Variants in CNTN4 observed in about 807,000 individuals in gnomAD.
CNTN4 encodes contactin 4.
A neutral mutation model predicts 122.5 loss-of-function variants in CNTN4; 77 were observed. The ratio of observed to expected loss-of-function variants is 0.63; its 90% CI spans 0.52 to 0.76. CNTN4 has a LOEUF of 0.76. Among genes scored for constraint, CNTN4 ranks in the 30% least tolerant of loss-of-function variants. The pLI, the probability that CNTN4 is intolerant of heterozygous loss-of-function variation, is 0.00. For synonymous variants in CNTN4, 512 were observed against 447.0 expected (o/e 1.15, Z -1.83); for missense variants, 1,256 against 1,259.1 (o/e 1.00, Z 0.04).
chr3:2,713,640 T>G (rs1172734846), intron 4 of CNTN4, among the ~76,000 whole-genome samples: 1 of 152,136 alleles, frequency 6.6e-6, no homozygotes, highest in Non-Finnish European at 1.5e-5. Context: ...AGGAGGAGAT[T>G]AGAAAGACCT....
Position 2,544,473 on chromosome 3 carries a change from G to A in CNTN4, c.-88-26943G>A, listed in dbSNP as rs532185383. ...GTATGCTGTGCTAGGCATTCTGATG[G>A]GATACAAAAAATGTGAGGATACATT... On this transcript the variant is annotated intron_variant, in intron 3 of 24. Transcript: ENST00000418658. Among the ~76,000 whole-genome samples the A allele has an allele frequency of 1.7e-4, 26 of 152,014 alleles. No homozygotes were observed. In the South Asian group the frequency reaches 5.2e-3, roughly 30 times the overall value.
chr3:2,190,295 C>T (rs891153707), intron 2 of CNTN4, among the ~76,000 whole-genome samples: 21 of 148,958 alleles, frequency 1.4e-4, no homozygotes, highest in African/African-American at 4.9e-4. Flanking sequence ...AGGGTTCCCA[C>T]ATCTGACTTG....
intron 13 of CNTN4, among the ~76,000 whole-genome samples, chr3:2,979,510 G>A (rs1693759652): frequency 6.6e-6 from 1 of 152,026 alleles, no homozygotes; most frequent in South Asian, 2.1e-4. Context: ...CCCTCGTAAT[G>A]TGTAAATCTA....
At chr3:2,840,235 G>A (rs1470887878) in intron 7 of CNTN4, among the ~76,000 whole-genome samples, 1 of 152,078 alleles carries the variant, frequency 6.6e-6, no homozygotes, top group Non-Finnish European at 1.5e-5. Flanking sequence ...AGGTTTCCAG[G>A]GTAACAAAGC....
chr3:3,001,572 G>C (rs1046658769), intron 14 of CNTN4, among the ~76,000 whole-genome samples: 2 of 152,054 alleles, frequency 1.3e-5, no homozygotes, highest in African/African-American at 4.8e-5. Context: ...TTTAGACAGG[G>C]GGCATGTATT....
At chr3:2,575,639 A>T (rs73005740) in intron 4 of CNTN4, among the ~76,000 whole-genome samples, 24,379 of 152,044 alleles carry the variant, frequency 0.16, 2,272 homozygotes, top group Non-Finnish European at 0.21. Flanking sequence ...ACCTTCTTTA[A>T]ATCTGTGCTC....
intron 4 of CNTN4, among the ~76,000 whole-genome samples, chr3:2,592,858 C>T (rs2080565731): frequency 6.6e-6 from 1 of 152,174 alleles, no homozygotes; most frequent in South Asian, 2.1e-4. Context: ...CTTAGAAATG[C>T]TCACATAGAT....
intron 2 of CNTN4, among the ~76,000 whole-genome samples, chr3:2,287,760 GAAGAAGAAGAAGAAGA>G: frequency 6.8e-6 from 1 of 146,196 alleles, no homozygotes; most frequent in Non-Finnish European, 1.5e-5. Flanking sequence ...AGAAGAAGAA[GAAGAAGAAGAAGAAGA>G]AGGAGAAGAA....
At chr3:2,192,752 T>C (rs2037641485) in intron 2 of CNTN4, among the ~76,000 whole-genome samples, 1 of 152,206 alleles carries the variant, frequency 6.6e-6, no homozygotes, top group African/African-American at 2.4e-5. Context: ...ACTTGCTCTG[T>C]GAATGGCTTA....
chr3:2,448,907 T>C (rs2048724378), intron 3 of CNTN4, among the ~76,000 whole-genome samples: 1 of 152,136 alleles, frequency 6.6e-6, no homozygotes, highest in African/African-American at 2.4e-5. Flanking sequence ...GGTACTATTT[T>C]ATCATCAGTA....
intron 3 of CNTN4, among the ~76,000 whole-genome samples, chr3:2,540,069 TTG>T (rs35310430): frequency 0.36 from 53,711 of 148,446 alleles, 9,548 homozygotes; most frequent in Middle Eastern, 0.41. Context: ...TTCATCAGTG[TTG>T]TGTGTGTGTG....
intron 2 of CNTN4, among the ~76,000 whole-genome samples, chr3:2,199,330 T>C (rs2037988651): frequency 6.6e-6 from 1 of 152,142 alleles, no homozygotes; most frequent in Admixed American, 6.5e-5. Context: ...TTTTAAAGTG[T>C]GTGTGTGTCT....
At chr3:2,099,617 G>A (rs2031722320) in intron 1 of CNTN4, 2 of 152,646 alleles carry the variant, frequency 1.3e-5, no homozygotes, top group African/African-American at 2.4e-5. Context: ...CTGCGGCGGC[G>A]AGCGACAGGC....
chr3:3,025,552 G>T (rs1698657490), intron 14 of CNTN4, among the ~76,000 whole-genome samples: 1 of 151,964 alleles, frequency 6.6e-6, no homozygotes, highest in South Asian at 2.1e-4. Flanking sequence ...AAAAAGACTG[G>T]GGGAAATTAT....
At chr3:2,192,653 A>G (rs950711670) in intron 2 of CNTN4, among the ~76,000 whole-genome samples, 4 of 152,196 alleles carry the variant, frequency 2.6e-5, no homozygotes, top group African/African-American at 9.6e-5. Context: ...TCGCAAAAGA[A>G]GACATTTATG....
At chr3:2,169,662 G>C (rs1348334611) in intron 2 of CNTN4, among the ~76,000 whole-genome samples, 1 of 152,022 alleles carries the variant, frequency 6.6e-6, no homozygotes, top group Non-Finnish European at 1.5e-5. Flanking sequence ...CTCCCAAAGT[G>C]CTGGGATTAC....
chr3:2,479,365 G>A (rs889867793), intron 3 of CNTN4, among the ~76,000 whole-genome samples: 20 of 152,074 alleles, frequency 1.3e-4, no homozygotes, highest in Admixed American at 1.3e-3. Context: ...TATTTTCAAG[G>A]CATAAGTCTA....
At chr3:2,402,078 A>G (rs549462572) in intron 3 of CNTN4, among the ~76,000 whole-genome samples, 14 of 152,244 alleles carry the variant, frequency 9.2e-5, no homozygotes, top group African/African-American at 2.9e-4. Flanking sequence ...GAGTAGATCA[A>G]ACGGGTTGGT....
chr3:2,720,327 C>T (rs2087764989), intron 4 of CNTN4, among the ~76,000 whole-genome samples: 1 of 152,146 alleles, frequency 6.6e-6, no homozygotes, highest in South Asian at 2.1e-4. Context: ...GTAGACATTA[C>T]CTACCCTCTT....
Sources: gnomAD v4.1 joint callset for allele counts (sites outside exome capture counted in the v4.1 genomes callset) on GRCh38, gnomAD v4.1.1 for gene constraint, MANE v1.5 for transcripts, NCBI Gene and HGNC (gene_info 2026-07-23, HGNC 2026-07-21) for gene names.